LMO7: variants seen among roughly 807,000 people sequenced by gnomAD.
LMO7 encodes the protein LIM domain only protein 7.
LMO7 carries 120 observed loss-of-function variants against 206.5 expected under a neutral mutation model. That is an observed-to-expected ratio of 0.58 (90% confidence interval 0.50 to 0.68). The LOEUF (loss-of-function observed/expected upper bound fraction) is 0.68. Among genes scored for constraint, LMO7 ranks in the 30% least tolerant of loss-of-function variants. The probability of loss-of-function intolerance (pLI) is 0.00; values close to 1 mark genes in which losing one functional copy is unlikely to be tolerated. For missense variants in LMO7, 1,959 were observed against 1,957.9 expected, an observed-to-expected ratio of 1.00 and a Z score of -0.01; for synonymous variants, 706 against 681.5, an observed-to-expected ratio of 1.04 and a Z score of -0.56.
At chr13:75,657,900 TG>T (rs2038206871) in intron 1 of LMO7, among the ~76,000 whole-genome samples, 1 of 152,242 alleles carries the variant, frequency 6.6e-6, no homozygotes, top group African/African-American at 2.4e-5. Context: ...TCTTGTTTTA[TG>T]GTTAAGAATT....
At chr13:75,819,199 G>T (rs561173106) in intron 12 of LMO7, 194 bp from the exon 13 acceptor site, 42 of 506,174 alleles carry the variant, frequency 8.3e-5, no homozygotes, top group Non-Finnish European at 1.4e-4. Flanking sequence ...ATTAGGTCAG[G>T]TTTTTGAGAC....
chr13:75,733,460 G>GT (rs887252289), intron 3 of LMO7, among the ~76,000 whole-genome samples: 5 of 152,202 alleles, frequency 3.3e-5, no homozygotes, highest in Non-Finnish European at 7.3e-5. Context: ...CTGGTGCGCC[G>GT]TTTTTTAAGC....
intron 1 of LMO7, among the ~76,000 whole-genome samples, chr13:75,643,083 T>G (rs960812731): frequency 6.6e-6 from 1 of 152,222 alleles, no homozygotes; most frequent in Non-Finnish European, 1.5e-5. Context: ...AGGAATGGTG[T>G]CCTGGATTGG....
chr13:75,635,325 G>A (rs2035641281), upstream of LMO7, among the ~76,000 whole-genome samples: 1 of 152,148 alleles, frequency 6.6e-6, no homozygotes, highest in Non-Finnish European at 1.5e-5. Context: ...CAGGAGCGTG[G>A]AGTGAGGGAC....
intron 4 of LMO7, among the ~76,000 whole-genome samples, chr13:75,776,647 TAGCC>T (rs1249119487): frequency 6.6e-6 from 1 of 152,130 alleles, no homozygotes; most frequent in Non-Finnish European, 1.5e-5. Flanking sequence ...AAAAAGTTAT[TAGCC>T]TTCAACAGCT....
At position 75,671,209 on chromosome 13, in the gene LMO7, CTTTT is replaced by C. The variant is rs36091764; in HGVS notation, c.69+34492_69+34495del. Among the ~76,000 whole-genome samples the C allele has an allele frequency of 1.3e-3, 190 of 147,244 alleles. 2 individuals carry two copies. The highest frequency in any genetic ancestry group is 4.5e-3 in the African/African-American group (181 of 40,172). ...GGCCTGACACTGTTTTACAGTTAAC[CTTTT>C]TTTTTTTTAATAAGTACATTCTAAA... On this transcript the variant is annotated intron_variant, in intron 1 of 30. Transcript: ENST00000377534.
chr13:75,738,512 G>A (rs890941121), intron 3 of LMO7, among the ~76,000 whole-genome samples: 4 of 152,018 alleles, frequency 2.6e-5, no homozygotes, highest in Admixed American at 2.0e-4. Flanking sequence ...TATAGAGATA[G>A]GGCTTTTCTC....
In LMO7 at chr13:75,730,236, T is replaced by C. The variant is rs1441273479; in HGVS notation, c.210+3138T>C. Among the ~76,000 whole-genome samples the C allele has an allele frequency of 4.4e-4, 67 of 152,242 alleles. 1 individual carries two copies. In the East Asian group the frequency reaches 0.011, roughly 25 times the overall value. ...TCCTCCTTGTACCTCTGGTAGTATT[T>C]GGCTGTGAATCCATCTGGTCCTGGA... On this transcript the variant is annotated intron_variant, in intron 3 of 30. Coordinates refer to ENST00000377534, the MANE Select transcript of LMO7 (RefSeq NM_001306080.2).
chr13:75,694,633 G>A (rs1306527462), intron 1 of LMO7, among the ~76,000 whole-genome samples: 1 of 152,146 alleles, frequency 6.6e-6, no homozygotes, highest in Admixed American at 6.6e-5. Context: ...GGTTCATTCT[G>A]ATGTTGAGTC....
intron 1 of LMO7, among the ~76,000 whole-genome samples, chr13:75,669,252 T>G (rs1198433483): frequency 4.6e-5 from 7 of 152,132 alleles, no homozygotes; most frequent in Non-Finnish European, 1.0e-4. Flanking sequence ...TGTGAGTGTG[T>G]GTGTAAGAGA....
At chr13:75,626,924 T>C (rs2034271687) in intron 2 of LMO7, 2 of 152,012 alleles carry the variant, frequency 1.3e-5, no homozygotes, top group Admixed American at 6.6e-5. Flanking sequence ...TTGTTGACCA[T>C]AGGTATTATT....
At chr13:75,834,060 A>G (rs2058918357) in intron 16 of LMO7, among the ~76,000 whole-genome samples, 166 bp from the exon 17 acceptor site, 1 of 152,148 alleles carries the variant, frequency 6.6e-6, no homozygotes, top group Non-Finnish European at 1.5e-5. Context: ...AATGCTTTGT[A>G]TGTTGTACTC....
At chr13:75,722,735 T>C (rs983046293) in intron 2 of LMO7, among the ~76,000 whole-genome samples, 1 of 152,126 alleles carries the variant, frequency 6.6e-6, no homozygotes, top group East Asian at 1.9e-4. Context: ...AGCAGCGCAA[T>C]TTGCACTTGC....
intron 2 of LMO7, among the ~76,000 whole-genome samples, chr13:75,717,831 T>G (rs555850137): frequency 6.6e-6 from 1 of 152,342 alleles, no homozygotes; most frequent in Admixed American, 6.5e-5. Flanking sequence ...AAGGCTTTTT[T>G]TCTTAGAGGT....
chr13:75,688,352 C>G (rs1039190665), intron 1 of LMO7, among the ~76,000 whole-genome samples: 14 of 152,076 alleles, frequency 9.2e-5, no homozygotes, highest in African/African-American at 2.9e-4. Flanking sequence ...AATTCTTGTG[C>G]GAATAACAGA....
intron 3 of LMO7, among the ~76,000 whole-genome samples, chr13:75,747,515 C>CT (rs1270713557): frequency 6.6e-6 from 1 of 152,186 alleles, no homozygotes; most frequent in Admixed American, 6.5e-5. Flanking sequence ...CACATTTTAT[C>CT]TTTTTTTCTC....
intron 1 of LMO7, among the ~76,000 whole-genome samples, chr13:75,651,570 C>T (rs2037569725): frequency 2.0e-5 from 3 of 152,104 alleles, no homozygotes; most frequent in Non-Finnish European, 2.9e-5. Context: ...TCAGCCGATC[C>T]ACCTGTCTCA....
In LMO7 at chr13:75,859,389, C is replaced by T. The variant is rs1003626166; in HGVS notation, c.*1446C>T. 1.3e-5 allele frequency: 2 copies of T among 152,070 alleles called. No individual in the cohort carries two copies. The highest frequency in any genetic ancestry group is 4.8e-5 in the African/African-American group (2 of 41,420). The allele number at this position is 152,070 out of a possible 1,614,324, so 9.4% of individuals were successfully genotyped here. A position where few individuals can be genotyped will look rare whatever the true frequency, so the allele number is the denominator to read the frequency against. On this transcript the variant is annotated 3_prime_UTR_variant, in exon 31 of 31. Transcript: ENST00000377534. ...CAAGAACTCTGTGTTTGAATTCATT[C>T]TGCATATAATTATTTATAAGTATAG... is the stretch of plus-strand genomic sequence containing the variant.
intron 8 of LMO7, 104 bp downstream of exon 8, chr13:75,804,645 A>ATAT: frequency 7.5e-7 from 1 of 1,340,604 alleles, no homozygotes; most frequent in Non-Finnish European, 1.0e-6. Flanking sequence ...CATAGATCAT[A>ATAT]TATTAAGCTT....
Sources: allele counts gnomAD v4.1 joint callset (sites outside exome capture counted in the v4.1 genomes callset), GRCh38; gene constraint gnomAD v4.1.1; transcripts MANE v1.5; gene names NCBI Gene and HGNC (gene_info 2026-07-23, HGNC 2026-07-21).